The following TRMO variants were observed in gnomAD, a reference collection of about 807,000 sequenced individuals.
TRMO encodes the protein tRNA (adenine(37)-N6)-methyltransferase.
In TRMO, 30 loss-of-function variants were observed where a neutral mutation model predicts 37.2. That is an observed-to-expected ratio of 0.81 (90% confidence interval 0.60 to 1.09). The LOEUF (loss-of-function observed/expected upper bound fraction) is 1.09, where lower values mean the gene tolerates loss of function less well. TRMO is among the 50% of genes least tolerant of loss of function. The pLI, the probability that TRMO is intolerant of heterozygous loss-of-function variation, is 0.00. For synonymous variants in TRMO, 239 were observed against 199.4 expected, an observed-to-expected ratio of 1.20 and a Z score of -1.67; for missense variants, 552 against 549.5, an observed-to-expected ratio of 1.00 and a Z score of -0.05.
At chr9:97,908,785 G>T (rs1019502319) in intron 4 of TRMO, among the ~76,000 whole-genome samples, 5 of 152,116 alleles carry the variant, frequency 3.3e-5, no homozygotes, top group African/African-American at 1.2e-4. Context: ...TTTTATATCT[G>T]TTTTGTTCAC....
chr9:97,922,293 G>A lies in TRMO; in HGVS notation c.76+125C>T, dbSNP rs1016177334. The stretch of plus-strand genomic sequence containing the variant: ...TCCGCAGCACGTGACCCGTGCCTTC[G>A]CCGTAGGTAAAAGAATGACGCACGT... On this transcript the variant is annotated intron_variant, in intron 1 of 4. Transcript: ENST00000375119. The A allele has an allele frequency of 4.2e-5, 29 of 684,086 alleles. No homozygotes were observed. The African/African-American group carries it at 4.5e-4, about 11-fold the overall frequency. 42.4% of individuals were successfully genotyped at this position (684,086 alleles called of 1,614,324 possible).
chr9:97,911,131 G>A (rs979395700), intron 3 of TRMO: 14 of 282,798 alleles, frequency 5.0e-5, no homozygotes, highest in Middle Eastern at 6.3e-4. Context: ...CCTGTGACCC[G>A]CACCTCCTGA....
the TRMO span, among the ~76,000 whole-genome samples, chr9:97,896,938 T>C: frequency 6.6e-6 from 1 of 152,234 alleles, no homozygotes; most frequent in Non-Finnish European, 1.5e-5. Flanking sequence ...ATTCATAAGG[T>C]ACTGAAGAGA....
chr9:97,922,091 C>T (rs1311078554), intron 1 of TRMO, among the ~76,000 whole-genome samples: 1 of 152,184 alleles, frequency 6.6e-6, no homozygotes, highest in African/African-American at 2.4e-5. Flanking sequence ...TAATTCCTAA[C>T]CCGCCTAACA....
rs777852640 is a variant in TRMO at position 97,919,464 on chromosome 9, AAGAG to A, written c.76+2950_76+2953del. Among the ~76,000 whole-genome samples, 415 of 152,292 alleles carry A rather than the reference AAGAG, an allele frequency of 2.7e-3. 1 individual carries two copies. The highest frequency in any genetic ancestry group is 4.4e-3 in the Non-Finnish European group (300 of 68,022). On this transcript the variant is annotated intron_variant, in intron 1 of 4. Transcript: ENST00000375119. ...GAAAGAAAGGAAAGAAAAGAAAAGA[AAGAG>A]AGAAACACTATTTTCCAAGTGTCTA...
At chr9:97,913,667 AT>A in intron 2 of TRMO, 109 bp from the exon 3 acceptor site, 1 of 703,930 alleles carries the variant, frequency 1.4e-6, no homozygotes, top group South Asian at 1.8e-5. Context: ...ATTAACAGAA[AT>A]CATGTTTTAA....
chr9:97,908,697 A>G (rs938143462), intron 4 of TRMO, among the ~76,000 whole-genome samples: 1 of 152,194 alleles, frequency 6.6e-6, no homozygotes, highest in Non-Finnish European at 1.5e-5. Flanking sequence ...GTTTGGTCTA[A>G]TAACTTGATT....
intron 4 of TRMO, 47 bp downstream of exon 4, chr9:97,909,913 C>G: frequency 7.0e-7 from 1 of 1,424,476 alleles, no homozygotes; most frequent in Non-Finnish European, 9.5e-7. Context: ...GGCTAAATCT[C>G]AAAGTAAAAG....
downstream of TRMO, among the ~76,000 whole-genome samples, chr9:97,902,490 T>C (rs1825696149): frequency 6.6e-6 from 1 of 152,026 alleles, no homozygotes; most frequent in African/African-American, 2.4e-5. Context: ...TAAGTAGAGG[T>C]AGGGTTTCAC....
chr9:97,905,680 C>T, intron 4 of TRMO, among the ~76,000 whole-genome samples: 1 of 152,180 alleles, frequency 6.6e-6, no homozygotes, highest in East Asian at 1.9e-4. Context: ...CCAAATGCCC[C>T]TTCCAGGAAG....
chr9:97,899,822 G>A (rs924683856), downstream of TRMO, among the ~76,000 whole-genome samples: 2 of 152,146 alleles, frequency 1.3e-5, no homozygotes, highest in African/African-American at 4.8e-5. Context: ...TGAGCCCAGG[G>A]GCAGAAGTTG....
At chr9:97,902,046 A>G (rs1488587722), downstream of TRMO, among the ~76,000 whole-genome samples, 3 of 152,230 alleles carry the variant, frequency 2.0e-5, no homozygotes, top group Non-Finnish European at 4.4e-5. Context: ...AAGGGGTGGT[A>G]TGACAGGCTA....
At chr9:97,905,129 T>C in intron 4 of TRMO, 137 bp from the exon 5 acceptor site, 1 of 922,444 alleles carries the variant, frequency 1.1e-6, no homozygotes, top group Non-Finnish European at 1.6e-6. Context: ...ATTTGATCAT[T>C]ACGGAGACTG....
At chr9:97,897,699 A>G in the TRMO span, among the ~76,000 whole-genome samples, 2 of 152,230 alleles carry the variant, frequency 1.3e-5, no homozygotes, top group Non-Finnish European at 2.9e-5. Flanking sequence ...CACGTGGATA[A>G]CTTTTTAAAA....
chr9:97,920,853 TCTTTAA>T (rs1450632506), intron 1 of TRMO, among the ~76,000 whole-genome samples: 3 of 152,228 alleles, frequency 2.0e-5, no homozygotes, highest in African/African-American at 2.4e-5. Context: ...TTATGCTAAC[TCTTTAA>T]CTTTAAACTT....
intron 4 of TRMO, among the ~76,000 whole-genome samples, chr9:97,905,764 G>A (rs1377436552): frequency 6.6e-6 from 1 of 152,118 alleles, no homozygotes; most frequent in African/African-American, 2.4e-5. Flanking sequence ...CCCTCTTGGA[G>A]TGGATTTGAT....
intron 1 of TRMO, among the ~76,000 whole-genome samples, chr9:97,921,935 T>TA (rs1489973011): frequency 4.6e-5 from 7 of 152,188 alleles, no homozygotes; most frequent in African/African-American, 1.7e-4. Flanking sequence ...AGCTAATATA[T>TA]TCCTCTATGA....
At chr9:97,921,076 C>A (rs1826606421) in intron 1 of TRMO, among the ~76,000 whole-genome samples, 1 of 152,166 alleles carries the variant, frequency 6.6e-6, no homozygotes, top group Admixed American at 6.5e-5. Flanking sequence ...CGGCAGTGTG[C>A]AACAATTTTT....
At chr9:97,909,836 C>A (rs911153808) in intron 4 of TRMO, 124 bp downstream of exon 4, 2 of 672,744 alleles carry the variant, frequency 3.0e-6, no homozygotes, top group Non-Finnish European at 5.0e-6. Flanking sequence ...TTATTTTATA[C>A]CTGTTTCCTA....
Sources: gnomAD v4.1 joint callset for allele counts (sites outside exome capture counted in the v4.1 genomes callset) on GRCh38, gnomAD v4.1.1 for gene constraint, MANE v1.5 for transcripts, NCBI Gene and HGNC (gene_info 2026-07-23, HGNC 2026-07-21) for gene names.